Variants in ARPC3 observed in about 807,000 individuals in gnomAD.
ARPC3 encodes actin related protein 2/3 complex subunit 3.
Under a neutral mutation model 27.6 loss-of-function variants are expected in ARPC3, and 12 were observed. The ratio of observed to expected loss-of-function variants is 0.43; its 90% CI spans 0.28 to 0.70. The LOEUF is 0.70. Among genes scored for constraint, ARPC3 ranks in the 30% least tolerant of loss-of-function variants. The pLI, the probability that ARPC3 is intolerant of heterozygous loss-of-function variation, is 0.17. For missense variants in ARPC3, 153 were observed against 207.7 expected (o/e 0.74, Z 1.62); for synonymous variants, 53 against 67.2 (o/e 0.79, Z 1.03).
In ARPC3 at chr12:110,435,113, T is replaced by A. The variant is rs2062395005; in HGVS notation, c.*42A>T. The A allele has an allele frequency of 6.6e-7, 1 of 1,515,500 alleles. No homozygotes were observed. The highest frequency in any genetic ancestry group is 1.4e-5 in the African/African-American group (1 of 72,878). 93.9% of individuals were successfully genotyped at this position (1,515,500 alleles called of 1,614,324 possible). A position where few individuals can be genotyped will look rare whatever the true frequency, so the allele number is the denominator to read the frequency against. On this transcript the variant is annotated 3_prime_UTR_variant, in exon 7 of 7. Coordinates refer to ENST00000228825, the MANE Select transcript of ARPC3 (RefSeq NM_001278556.2). The stretch of plus-strand genomic sequence containing the variant: ...AGATTGTGTACATCTTGCTGGAAAA[T>A]GCTGCCCAGGGCTCTGGAGACGGTG...
intron 4 of ARPC3, 37 bp from the exon 5 acceptor site, chr12:110,436,720 AC>A: frequency 2.2e-6 from 2 of 906,354 alleles, no homozygotes; most frequent in Non-Finnish European, 3.3e-6. Flanking sequence ...ATACACACAC[AC>A]ACACACACAC....
At chr12:110,450,172 C>T in intron 1 of ARPC3, 83 bp downstream of exon 1, 1 of 1,586,586 alleles carries the variant, frequency 6.3e-7, no homozygotes, top group Admixed American at 1.7e-5. Flanking sequence ...CCTTCCGCCG[C>T]CCGCTTCTCT....
chr12:110,444,418 G>A (rs1592954296), intron 2 of ARPC3, among the ~76,000 whole-genome samples: 1 of 151,912 alleles, frequency 6.6e-6, no homozygotes, highest in East Asian at 1.9e-4. Context: ...CTGAGTAGCT[G>A]GGATCACAGG....
At chr12:110,436,430 T>C (rs995046006) in intron 5 of ARPC3, 127 bp downstream of exon 5, 1 of 1,482,804 alleles carries the variant, frequency 6.7e-7, no homozygotes, top group African/African-American at 1.4e-5. Context: ...ACTAATAAGA[T>C]AATGTACTTC....
At chr12:110,439,790 T>C (rs535776024) in intron 3 of ARPC3, among the ~76,000 whole-genome samples, 3 of 152,310 alleles carry the variant, frequency 2.0e-5, no homozygotes, top group East Asian at 1.9e-4. Flanking sequence ...GCTGTGATTG[T>C]GCCACTGCAC....
rs897747634 is a variant in ARPC3, at chr12:110,435,024, G to C, written c.*131C>G. 6 of 776,990 alleles carry C rather than the reference G, an allele frequency of 7.7e-6. No individual in the cohort carries two copies. The African/African-American group carries it at 1.0e-4, about 13-fold the overall frequency. The allele number at this position is 776,990 out of a possible 1,614,324, so 48.1% of individuals were successfully genotyped here. On this transcript the variant is annotated 3_prime_UTR_variant, in exon 7 of 7. Coordinates refer to ENST00000228825, the MANE Select transcript of ARPC3 (RefSeq NM_001278556.2). ...TTCTCCCACCCAAATTCTTGATCAA[G>C]AGTTTTTCAAGTAAAGACATGCTCT...
chr12:110,437,305 T>C (rs1373629040), intron 3 of ARPC3, 153 bp from the exon 4 acceptor site: 4 of 640,414 alleles, frequency 6.2e-6, no homozygotes, highest in Non-Finnish European at 1.1e-5. Context: ...AAATGCACAG[T>C]CTCCTCAGTC....
rs1405452812 is a variant in ARPC3, at chr12:110,437,159, G to GAAA, written c.184-8_184-7insTTT. The GAAA allele has an allele frequency of 1.3e-6, 2 of 1,565,766 alleles. No homozygotes were observed. The highest frequency in any genetic ancestry group is 1.8e-6 in the Non-Finnish European group (2 of 1,137,948). On this transcript the variant is annotated splice_polypyrimidine_tract_variant and splice_region_variant and intron_variant, in intron 3 of 6. Coordinates refer to ENST00000228825, the MANE Select transcript of ARPC3 (RefSeq NM_001278556.2). ...AGGTCCTATCAGCTTCATTCTACAG[G>GAAA]GAGAAAAAGAAGACTTAAAAACAGT...
chr12:110,436,714 AC>A, intron 4 of ARPC3, 31 bp from the exon 5 acceptor site: 1 of 336,134 alleles, frequency 3.0e-6, no homozygotes, highest in Non-Finnish European at 4.8e-6. Context: ...ATATATATAC[AC>A]ACACACACAC....
chr12:110,435,356 C>G (rs1445644345), intron 6 of ARPC3, 139 bp from the exon 7 acceptor site: 2 of 727,572 alleles, frequency 2.7e-6, no homozygotes, highest in Non-Finnish European at 4.8e-6. Flanking sequence ...GAGTCTCGCT[C>G]TGTCGCCCAG....
At chr12:110,436,709 T>C (rs11065639) in intron 4 of ARPC3, 26 bp from the exon 5 acceptor site, 9,120 of 544,078 alleles carry the variant, frequency 0.017, 239 homozygotes, top group African/African-American at 0.12. Flanking sequence ...TATATATATA[T>C]ATACACACAC....
chr12:110,436,081 C>T (rs750005002), intron 6 of ARPC3, 29 bp downstream of exon 6: 1 of 1,543,572 alleles, frequency 6.5e-7, no homozygotes, highest in Non-Finnish European at 9.0e-7. Context: ...GGTGATTTAC[C>T]AATTAAGCAG....
chr12:110,440,484 C>A, intron 2 of ARPC3, 96 bp from the exon 3 acceptor site: 2 of 806,438 alleles, frequency 2.5e-6, no homozygotes, highest in South Asian at 2.8e-5. Context: ...ATACAACTGT[C>A]AACAGTTGTG....
chr12:110,445,890 G>A (rs1351636735), intron 1 of ARPC3, among the ~76,000 whole-genome samples: 1 of 152,102 alleles, frequency 6.6e-6, no homozygotes, highest in Non-Finnish European at 1.5e-5. Context: ...GATTGCCTGA[G>A]CTCAGGAGTT....
intron 2 of ARPC3, among the ~76,000 whole-genome samples, chr12:110,440,997 C>T (rs2062433944): frequency 6.7e-6 from 1 of 150,232 alleles, no homozygotes; most frequent in African/African-American, 2.5e-5. Flanking sequence ...CACCTGCCAC[C>T]ATGCTCAGCT....
chr12:110,441,396 G>T (rs1566296112), intron 2 of ARPC3, among the ~76,000 whole-genome samples: 1 of 152,174 alleles, frequency 6.6e-6, no homozygotes, highest in Non-Finnish European at 1.5e-5. Flanking sequence ...CTCCCAAAGT[G>T]CTGGGATTAC....
chr12:110,448,346 C>T (rs1433863225), intron 1 of ARPC3, among the ~76,000 whole-genome samples: 1 of 152,110 alleles, frequency 6.6e-6, no homozygotes, highest in African/African-American at 2.4e-5. Flanking sequence ...TACCCCAGAG[C>T]TCAGGAGTCA....
chr12:110,441,814 T>C (rs2062439064), intron 2 of ARPC3, among the ~76,000 whole-genome samples: 2 of 151,878 alleles, frequency 1.3e-5, no homozygotes, highest in African/African-American at 4.8e-5. Context: ...GTGGATCACC[T>C]GAGGTCAGGA....
chr12:110,436,988 T>C (rs2135498096), intron 4 of ARPC3, 96 bp downstream of exon 4: 2 of 921,206 alleles, frequency 2.2e-6, no homozygotes, highest in Non-Finnish European at 3.6e-6. Flanking sequence ...TATTTTCTAC[T>C]TGTCTTTAAA....
Sources: allele counts gnomAD v4.1 joint callset (sites outside exome capture counted in the v4.1 genomes callset), GRCh38; gene constraint gnomAD v4.1.1; transcripts MANE v1.5; gene names NCBI Gene and HGNC (gene_info 2026-07-23, HGNC 2026-07-21).